NTN4: variants seen among roughly 807,000 people sequenced by gnomAD.
The protein encoded by NTN4 is netrin-4.
In NTN4, 32 loss-of-function variants were observed where a neutral mutation model predicts 73.6. The ratio of observed to expected loss-of-function variants is 0.44; its 90% CI spans 0.33 to 0.58. The LOEUF (loss-of-function observed/expected upper bound fraction) is 0.58. Among genes scored for constraint, NTN4 ranks in the 20% least tolerant of loss-of-function variants. The pLI, the probability that NTN4 is intolerant of heterozygous loss-of-function variation, is 0.04. For synonymous variants in NTN4, 258 were observed against 287.5 expected (o/e 0.90, Z 1.04); for missense variants, 654 against 798.3 (o/e 0.82, Z 2.18).
intron 7 of NTN4, among the ~76,000 whole-genome samples, chr12:95,676,579 A>G (rs1339908356): frequency 6.6e-6 from 1 of 152,230 alleles, no homozygotes; most frequent in African/African-American, 2.4e-5. Flanking sequence ...AAAAGATCTT[A>G]TAAGGAAATG....
At chr12:95,764,959 G>A (rs2079011116) in intron 2 of NTN4, among the ~76,000 whole-genome samples, 2 of 152,276 alleles carry the variant, frequency 1.3e-5, no homozygotes, top group Admixed American at 1.3e-4. Flanking sequence ...AGTCCCGAAA[G>A]GGAAGCCAGA....
chr12:95,738,321 C>T (rs1023654439), intron 2 of NTN4, among the ~76,000 whole-genome samples, 177 bp from the exon 3 acceptor site: 3 of 152,180 alleles, frequency 2.0e-5, no homozygotes, highest in Non-Finnish European at 2.9e-5. Context: ...TTCTAAGGAG[C>T]AGATGTGCTG....
At chr12:95,776,736 T>C (rs1487397083) in intron 2 of NTN4, among the ~76,000 whole-genome samples, 1 of 152,210 alleles carries the variant, frequency 6.6e-6, no homozygotes, top group African/African-American at 2.4e-5. Flanking sequence ...GAAAACACTC[T>C]GCAGGATATT....
intron 1 of NTN4, among the ~76,000 whole-genome samples, chr12:95,788,935 C>A (rs1380521603): frequency 6.6e-6 from 1 of 152,112 alleles, no homozygotes; most frequent in Non-Finnish European, 1.5e-5. Flanking sequence ...TTATTTACAA[C>A]CTTTCAATGG....
chr12:95,669,068 C>T (rs2078205551), intron 8 of NTN4, among the ~76,000 whole-genome samples: 2 of 151,974 alleles, frequency 1.3e-5, no homozygotes, highest in Non-Finnish European at 2.9e-5. Flanking sequence ...AGGTTGTGGG[C>T]GTGGTGGCAT....
At chr12:95,779,975 G>A (rs1426429159) in intron 2 of NTN4, among the ~76,000 whole-genome samples, 1 of 152,298 alleles carries the variant, frequency 6.6e-6, no homozygotes, top group Non-Finnish European at 1.5e-5. Context: ...GAACAGAACA[G>A]AGGCCTCAGA....
At chr12:95,672,490 G>T in intron 7 of NTN4, 1 of 1,533,328 alleles carries the variant, frequency 6.5e-7, no homozygotes, top group South Asian at 1.1e-5. Context: ...GCAGAAGAGA[G>T]CGACCCGGAC....
chr12:95,709,476 T>G (rs990939206), intron 5 of NTN4, among the ~76,000 whole-genome samples: 2 of 152,238 alleles, frequency 1.3e-5, no homozygotes, highest in African/African-American at 4.8e-5. Flanking sequence ...AATTCTATTC[T>G]TTTTTCAAAT....
rs534263994 is a variant in NTN4, at chr12:95,698,257, C to T, written c.1180+12184G>A. ...GAAAATATAGCACATAAAGCTATAA[C>T]TTAGCACATAAACATTGCTAAATTA... On this transcript the variant is annotated intron_variant, in intron 5 of 9. Transcript: ENST00000343702. Among the ~76,000 whole-genome samples, 5 of 152,304 alleles carry T rather than the reference C, an allele frequency of 3.3e-5. 1 individual carries two copies. The South Asian group carries it at 1.0e-3, about 32-fold the overall frequency.
At chr12:95,713,420 T>C in intron 3 of NTN4, 82 bp from the exon 4 acceptor site, 2 of 1,433,762 alleles carry the variant, frequency 1.4e-6, no homozygotes, top group Non-Finnish European at 1.9e-6. Context: ...TCTAATCTCA[T>C]GGATTGGCTT....
At chr12:95,661,284 T>C (rs2078136044) in intron 9 of NTN4, among the ~76,000 whole-genome samples, 1 of 152,194 alleles carries the variant, frequency 6.6e-6, no homozygotes, top group Non-Finnish European at 1.5e-5. Context: ...GATAACCTAG[T>C]TGCCCAGCTT....
At chr12:95,759,535 A>G (rs1467145288) in intron 2 of NTN4, among the ~76,000 whole-genome samples, 1 of 138,720 alleles carries the variant, frequency 7.2e-6, no homozygotes, top group Non-Finnish European at 1.5e-5. Context: ...ATCTCGGCTC[A>G]CTGCAACCTC....
chr12:95,738,236 TA>T (rs1464173873), intron 2 of NTN4, 92 bp from the exon 3 acceptor site: 1 of 1,176,532 alleles, frequency 8.5e-7, no homozygotes, highest in Non-Finnish European at 1.2e-6. Context: ...ATTTATGCCT[TA>T]TGTCATCTGT....
At chr12:95,738,853 C>A (rs2078801908) in intron 2 of NTN4, among the ~76,000 whole-genome samples, 1 of 152,120 alleles carries the variant, frequency 6.6e-6, no homozygotes, top group Admixed American at 6.5e-5. Flanking sequence ...AGACATTTGG[C>A]CTCTGCAGCT....
At chr12:95,756,734 T>G (rs2078949989) in intron 2 of NTN4, among the ~76,000 whole-genome samples, 1 of 152,028 alleles carries the variant, frequency 6.6e-6, no homozygotes, top group African/African-American at 2.4e-5. Context: ...TTCCCCACTC[T>G]TTCTTCCTCT....
intron 8 of NTN4, 142 bp downstream of exon 8, chr12:95,669,936 G>A (rs1315112991): frequency 1.6e-5 from 8 of 487,174 alleles, no homozygotes; most frequent in South Asian, 4.9e-5. Context: ...CCAGAACACT[G>A]TGTTTAGTGT....
rs34093723 is a variant in NTN4, at chr12:95,769,751, C to CTT, written c.585+17186_585+17187dup. Among the ~76,000 whole-genome samples the CTT allele has an allele frequency of 5.0e-3, 586 of 116,988 alleles. 4 individuals carry two copies. The highest frequency in any genetic ancestry group is 6.6e-3 in the African/African-American group (199 of 30,204). 76.7% of individuals were successfully genotyped at this position (116,988 alleles called of 152,430 possible). A position where few individuals can be genotyped will look rare whatever the true frequency, so the allele number is the denominator to read the frequency against. On this transcript the variant is annotated intron_variant, in intron 2 of 9. Coordinates refer to ENST00000343702, the MANE Select transcript of NTN4 (RefSeq NM_021229.4). ...GCATACTCCTAAATTAGGTTTCAATCTTTTTTTTTTTTTTTTTTTTTTGAG... is the reference window on the plus strand; with the variant it reads ...GCATACTCCTAAATTAGGTTTCAATCTTTTTTTTTTTTTTTTTTTTTTTTGAG...
intron 3 of NTN4, among the ~76,000 whole-genome samples, chr12:95,723,608 C>T (rs1340367558): frequency 6.6e-5 from 10 of 151,968 alleles, no homozygotes; most frequent in African/African-American, 1.5e-4. Context: ...CTCTGCCTCC[C>T]GGGTTCAAGC....
intron 5 of NTN4, among the ~76,000 whole-genome samples, chr12:95,689,382 T>C (rs998102628): frequency 1.3e-5 from 2 of 152,242 alleles, no homozygotes; most frequent in Admixed American, 6.5e-5. Flanking sequence ...ATATAGCCCT[T>C]GTTCTAATTA....
Sources: allele counts gnomAD v4.1 joint callset (sites outside exome capture counted in the v4.1 genomes callset), GRCh38; gene constraint gnomAD v4.1.1; transcripts MANE v1.5; gene names NCBI Gene and HGNC (gene_info 2026-07-23, HGNC 2026-07-21).